The following TJP2 variants were observed in gnomAD, a reference collection of about 807,000 sequenced individuals.
The protein encoded by TJP2 is tight junction protein 2.
In TJP2, 91 loss-of-function variants were observed where a neutral mutation model predicts 133.1. The observed-to-expected ratio is 0.68, with a 90% confidence interval of 0.58 to 0.81. The LOEUF (loss-of-function observed/expected upper bound fraction) is 0.81. TJP2 is among the 40% of genes least tolerant of loss of function. TJP2 has a pLI of 0.00. For synonymous variants in TJP2, 592 were observed against 583.4 expected (o/e 1.01, Z -0.21); for missense variants, 1,541 against 1,565.6 (o/e 0.98, Z 0.26).
chr9:69,140,481 C>T lies in TJP2; in HGVS notation c.-130-11170C>T, dbSNP rs539113813. Among the ~76,000 whole-genome samples, 12 of 152,222 alleles carry T rather than the reference C, an allele frequency of 7.9e-5. No individual in the cohort carries two copies. In the East Asian group the frequency reaches 9.7e-4, roughly 12 times the overall value. On this transcript the variant is annotated intron_variant, in intron 1 of 5. Coordinates refer to the TJP2 transcript ENST00000423935. ...GGGAGGGGTGTGTCAGCAGGTGCAG[C>T]GTGGGATCATGTGAACTACTCTCTC...
At position 69,251,129 on chromosome 9, in the gene TJP2, G is replaced by A; in HGVS notation, c.3086G>A (p.Gly1029Glu). ...PSAVAGNETP[G>E]ASTKGYPPPV... is the part of the protein sequence containing the mutation. ...GCCGTTGCTGGTAATGAAACTCCTGGGGCATCTACCAAAGGTTATCCTCCT... is the reference window on the plus strand; with the variant it reads ...GCCGTTGCTGGTAATGAAACTCCTGAGGCATCTACCAAAGGTTATCCTCCT... The change falls in exon 21 of 23, where the codon GGG becomes GAG. Residue 1029 changes from glycine to glutamate, a missense_variant. Physicochemically the swap from Gly to Glu is moderately conservative, Grantham distance 98. Coordinates refer to ENST00000377245, the MANE Select transcript of TJP2 (RefSeq NM_004817.4). The A allele has an allele frequency of 1.9e-6, 3 of 1,613,988 alleles. No individual in the cohort carries two copies. Among genetic ancestry groups the A allele is most frequent in the Non-Finnish European group, 2.5e-6 (3 of 1,180,006 alleles).
chr9:69,254,770 A>G lies in TJP2; in HGVS notation c.*396A>G. 1 of 492,910 alleles carries G rather than the reference A, an allele frequency of 2.0e-6. No individual in the cohort carries two copies. Among genetic ancestry groups the G allele is most frequent in the Non-Finnish European group, 3.5e-6 (1 of 281,878 alleles). 30.5% of individuals were successfully genotyped at this position (492,910 alleles called of 1,614,324 possible). A position where few individuals can be genotyped will look rare whatever the true frequency, so the allele number is the denominator to read the frequency against. On this transcript the variant is annotated 3_prime_UTR_variant, in exon 23 of 23. Transcript: ENST00000377245. ...TGAGTCAGAATGTGAAAAAGGAATA[A>G]AAAATACTGTTGGGCTCAAACTAAA...
At chr9:69,230,265 A>G (rs756198048) in intron 11 of TJP2, 33 bp downstream of exon 11, 41 of 1,613,356 alleles carry the variant, frequency 2.5e-5, no homozygotes, top group Non-Finnish European at 3.0e-5. Context: ...TCTAGAAGTT[A>G]CTTGTAAGGA....
At chr9:69,235,324 T>TTTATTTA (rs754691667) in intron 12 of TJP2, among the ~76,000 whole-genome samples, 2,838 of 57,328 alleles carry the variant, frequency 0.05, 43 homozygotes, top group Middle Eastern at 0.081. Context: ...TATTTATTTA[T>TTTATTTA]TTATTATTAT....
chr9:69,153,006 T>C (rs1823561667), intron 2 of TJP2, among the ~76,000 whole-genome samples: 1 of 151,520 alleles, frequency 6.6e-6, no homozygotes, highest in African/African-American at 2.4e-5. Flanking sequence ...GGAGGATCGC[T>C]TGAGGCCAAG....
In TJP2 at chr9:69,221,593, A is replaced by T. The variant is rs1474126801; in HGVS notation, c.952+97A>T. 7.4e-6 allele frequency: 11 copies of T among 1,489,082 alleles called. No homozygotes were observed. In the African/African-American group the frequency reaches 9.8e-5, roughly 13 times the overall value. The allele number at this position is 1,489,082 out of a possible 1,614,324, so 92.2% of individuals were successfully genotyped here. A position where few individuals can be genotyped will look rare whatever the true frequency, so the allele number is the denominator to read the frequency against. On this transcript the variant is annotated intron_variant, in intron 5 of 22. Transcript: ENST00000377245. ...TTTCCCCCGAAAGTGTTGCTCTGTC[A>T]TCCAGGCTGGAGGGAAGTGGCGTGA...
At chr9:69,128,860 C>G (rs1222971784) in intron 1 of TJP2, among the ~76,000 whole-genome samples, 3 of 152,086 alleles carry the variant, frequency 2.0e-5, no homozygotes, top group African/African-American at 7.2e-5. Context: ...TTTCTTGATT[C>G]TTTTCCAAGG....
chr9:69,139,764 T>A (rs1822930584), intron 1 of TJP2, among the ~76,000 whole-genome samples: 1 of 152,146 alleles, frequency 6.6e-6, no homozygotes, highest in African/African-American at 2.4e-5. Flanking sequence ...CGAGACCAGG[T>A]CTCCCATAGC....
Position 69,238,864 on chromosome 9 carries a change from G to C in TJP2, c.2355+75G>C, listed in dbSNP as rs905203717. The C allele has an allele frequency of 1.0e-4, 126 of 1,228,844 alleles. No homozygotes were observed. In the Admixed American group the frequency reaches 2.3e-3, roughly 22 times the overall value. The allele number at this position is 1,228,844 out of a possible 1,614,324, so 76.1% of individuals were successfully genotyped here. On this transcript the variant is annotated intron_variant, in intron 16 of 22. Coordinates refer to ENST00000377245, the MANE Select transcript of TJP2 (RefSeq NM_004817.4). ...GTTTGCTGCAGTCACTTTTAGGATAGTATCTGTACTTTTAATCATTAAATG... is the reference window on the plus strand; with the variant it reads ...GTTTGCTGCAGTCACTTTTAGGATACTATCTGTACTTTTAATCATTAAATG...
At chr9:69,231,353 C>T (rs1346836011) in intron 11 of TJP2, among the ~76,000 whole-genome samples, 1 of 152,184 alleles carries the variant, frequency 6.6e-6, no homozygotes, top group Non-Finnish European at 1.5e-5. Flanking sequence ...ATGCCTTGGC[C>T]TCCCAAAGTG....
chr9:69,154,790 T>C (rs1343697821), intron 2 of TJP2, among the ~76,000 whole-genome samples: 1 of 151,460 alleles, frequency 6.6e-6, no homozygotes, highest in East Asian at 1.9e-4. Flanking sequence ...TATAAAAAAA[T>C]TAATAAATAA....
At chr9:69,147,912 A>T (rs909657813) in intron 1 of TJP2, among the ~76,000 whole-genome samples, 2 of 135,080 alleles carry the variant, frequency 1.5e-5, no homozygotes, top group East Asian at 4.5e-4. Flanking sequence ...GGGATAAAAC[A>T]TTTCACTGAT....
chr9:69,231,041 C>T (rs1829736608), intron 11 of TJP2, among the ~76,000 whole-genome samples: 3 of 151,950 alleles, frequency 2.0e-5, no homozygotes, highest in African/African-American at 7.3e-5. Context: ...TCTTTGTTGA[C>T]TTCGGAATAA....
intron 2 of TJP2, among the ~76,000 whole-genome samples, chr9:69,215,983 C>T (rs947982530): frequency 3.9e-5 from 6 of 152,138 alleles, no homozygotes; most frequent in Admixed American, 2.6e-4. Flanking sequence ...GAAGTTGTTC[C>T]AGCTCGGGCC....
At chr9:69,178,709 C>T (rs866984945) in intron 1 of TJP2, among the ~76,000 whole-genome samples, 1 of 152,176 alleles carries the variant, frequency 6.6e-6, no homozygotes, top group Non-Finnish European at 1.5e-5. Flanking sequence ...TTTGTTTTAA[C>T]GTCTGGCCCA....
chr9:69,211,031 A>C (rs1827867718), intron 1 of TJP2, among the ~76,000 whole-genome samples: 1 of 152,138 alleles, frequency 6.6e-6, no homozygotes. Flanking sequence ...GCCCTCTTCT[A>C]ATTTCTTAAA....
At chr9:69,158,263 G>A (rs1785100841) in intron 2 of TJP2, among the ~76,000 whole-genome samples, 1 of 146,634 alleles carries the variant, frequency 6.8e-6, no homozygotes, top group Non-Finnish European at 1.5e-5. Context: ...AGGAGGTGGA[G>A]GTTGCAGTGA....
At chr9:69,248,897 A>G (rs1831121203) in intron 19 of TJP2, 6 of 986,408 alleles carry the variant, frequency 6.1e-6, no homozygotes, top group Non-Finnish European at 7.2e-6. Context: ...TTGGATAATT[A>G]TTGCTGTGGA....
intron 1 of TJP2, among the ~76,000 whole-genome samples, chr9:69,186,126 G>A (rs1415685173): frequency 6.6e-6 from 1 of 152,120 alleles, no homozygotes; most frequent in Non-Finnish European, 1.5e-5. Context: ...CAGCCTGTCT[G>A]TAATGATGTC....
Sources: gnomAD v4.1 joint callset for allele counts (sites outside exome capture counted in the v4.1 genomes callset) on GRCh38, gnomAD v4.1.1 for gene constraint, MANE v1.5 for transcripts, NCBI Gene and HGNC (gene_info 2026-07-23, HGNC 2026-07-21) for gene names.